COL5A3: variants seen among roughly 807,000 people sequenced by gnomAD.
COL5A3 encodes the protein collagen alpha-3(V) chain.
In COL5A3, 172 loss-of-function variants were observed where a neutral mutation model predicts 250.0. The observed-to-expected ratio is 0.69, with a 90% CI of 0.61 to 0.78. The LOEUF (loss-of-function observed/expected upper bound fraction) is 0.78. Among genes scored for constraint, COL5A3 ranks in the 30% least tolerant of loss-of-function variants. The pLI is 0.00. For missense variants in COL5A3, 2,340 were observed against 2,334.4 expected (o/e 1.00, Z -0.05); for synonymous variants, 937 against 900.4 (o/e 1.04, Z -0.73).
In COL5A3 at chr19:9,996,204, A is replaced by T; in HGVS notation, c.1479+2T>A. ...CCCCCTCCACGCAGTCGCCTTACTC[A>T]CCACAGGGCCTGGGCGCCCAGTGAG... On this transcript the variant is annotated splice_donor_variant, in intron 14 of 66. Coordinates refer to ENST00000264828, the MANE Select transcript of COL5A3 (RefSeq NM_015719.4). LOFTEE classifies it high-confidence loss of function. 1 of 1,569,324 alleles carries T rather than the reference A, an allele frequency of 6.4e-7. No individual in the cohort carries two copies. Among genetic ancestry groups the T allele is most frequent in the Non-Finnish European group, 8.6e-7 (1 of 1,159,840 alleles).
intron 64 of COL5A3, among the ~76,000 whole-genome samples, chr19:9,965,417 A>T (rs2086728805): frequency 6.7e-6 from 1 of 149,392 alleles, no homozygotes; most frequent in African/African-American, 2.5e-5. Context: ...CGGCCTCCCA[A>T]AGTGCTGGGA....
intron 37 of COL5A3, among the ~76,000 whole-genome samples, 190 bp downstream of exon 37, chr19:9,979,649 G>A (rs751941962): frequency 6.6e-6 from 1 of 152,110 alleles, no homozygotes; most frequent in Non-Finnish European, 1.5e-5. Flanking sequence ...AATTAGCCGG[G>A]CGTGGTGGCA....
Position 9,969,497 on chromosome 19 carries a change from G to C in COL5A3, c.4098+78C>G. On this transcript the variant is annotated intron_variant, in intron 56 of 66. Coordinates refer to ENST00000264828, the MANE Select transcript of COL5A3 (RefSeq NM_015719.4). ...TGCACCAGGGGCAGCCCCTCCAAAC[G>C]GTGATGGGATCACAAGCTGGGAGCA... is the stretch of plus-strand genomic sequence containing the variant. 1.9e-6 allele frequency: 3 copies of C among 1,590,890 alleles called. No individual in the cohort carries two copies. The Admixed American group carries it at 5.3e-5, about 28-fold the overall frequency.
chr19:9,972,834 C>CA (rs33996380), intron 51 of COL5A3, 85 bp downstream of exon 51: 18,884 of 800,496 alleles, frequency 0.024, no homozygotes, highest in Middle Eastern at 0.037. Flanking sequence ...GACTCCATCT[C>CA]AAAAAAAAAA....
chr19:9,973,053 A>C, intron 50 of COL5A3, 27 bp from the exon 51 acceptor site: 1 of 1,572,050 alleles, frequency 6.4e-7, no homozygotes, highest in Non-Finnish European at 8.7e-7. Flanking sequence ...CAGAGGTCAG[A>C]GTGGCCTGGA....
intron 51 of COL5A3, 126 bp from the exon 52 acceptor site, chr19:9,971,384 A>G (rs1599535428): frequency 1.4e-6 from 1 of 713,940 alleles, no homozygotes; most frequent in South Asian, 1.9e-5. Context: ...AAAACATAAA[A>G]TCCCTGGCTT....
chr19:9,967,162 C>T (rs1383020580), intron 62 of COL5A3, among the ~76,000 whole-genome samples, 185 bp downstream of exon 62: 10 of 152,140 alleles, frequency 6.6e-5, no homozygotes, highest in Non-Finnish European at 1.3e-4. Flanking sequence ...CCAAGTCCCC[C>T]CTCCCAGGCC....
chr19:9,989,339 C>T lies in COL5A3; in HGVS notation c.2074G>A (p.Gly692Arg). The part of the protein sequence containing the change: ...LGHPGHEGPT[G>R]EKGAQGPPGS... ...TCACTCACCTGAGCCCCTTTCTCTC[C>T]CGTGGGGCCCTCATGTCCTGGGTGA... The change falls in exon 26 of 67, where the codon GGA (glycine) becomes AGA (arginine). Residue 692 changes from glycine (G) to arginine (R), a missense_variant. This residue lies in a region of COL5A3 where 1,152 missense variants were observed against 1,146.3 expected (regional missense o/e 1.00). Transcript: ENST00000264828. 6.2e-7 allele frequency: 1 copy of T among 1,614,228 alleles called. No individual in the cohort carries two copies. Among genetic ancestry groups the T allele is most frequent in the Non-Finnish European group, 8.5e-7 (1 of 1,180,040 alleles).
chr19:9,986,894 G>A (rs1456340047), intron 27 of COL5A3, 136 bp from the exon 28 acceptor site: 2 of 922,658 alleles, frequency 2.2e-6, no homozygotes, highest in Non-Finnish European at 3.3e-6. Context: ...AGCTTCAGAA[G>A]AAATGATCTT....
intron 6 of COL5A3, 126 bp downstream of exon 6, chr19:10,003,439 T>C (rs2087391995): frequency 6.9e-6 from 6 of 864,766 alleles, no homozygotes; most frequent in Middle Eastern, 2.5e-4. Context: ...AAAAAGATCA[T>C]AGATGAGGGA....
intron 11 of COL5A3, 161 bp from the exon 12 acceptor site, chr19:9,996,850 G>T: frequency 1.7e-6 from 1 of 599,852 alleles, no homozygotes; most frequent in South Asian, 2.2e-5. Flanking sequence ...AGAGAGAGAA[G>T]TAGAGAGAAG....
intron 19 of COL5A3, 149 bp downstream of exon 19, chr19:9,993,231 C>T (rs957448189): frequency 2.7e-6 from 3 of 1,115,664 alleles, no homozygotes; most frequent in Non-Finnish European, 2.7e-6. Context: ...TGACTCCAAT[C>T]CTAGACCTGC....
At chr19:9,971,507 A>G (rs1409643948) in intron 51 of COL5A3, among the ~76,000 whole-genome samples, 1 of 152,194 alleles carries the variant, frequency 6.6e-6, no homozygotes, top group East Asian at 1.9e-4. Context: ...TCACAGAGAA[A>G]ACTGGCCATT....
rs1460984839 is a variant in COL5A3, at chr19:9,968,213, C to T, written c.4315-134G>A. The T allele has an allele frequency of 5.9e-6, 6 of 1,024,748 alleles. No homozygotes were observed. The African/African-American group carries it at 6.6e-5, about 11-fold the overall frequency. 63.5% of individuals were successfully genotyped at this position (1,024,748 alleles called of 1,614,324 possible). A position where few individuals can be genotyped will look rare whatever the true frequency, so the allele number is the denominator to read the frequency against. ...AGCCTCCAGTTCCCCCACAGAGAGACCCCAAACCCCAGACGCAGCCTCCAA... is the reference window on the plus strand; with the variant it reads ...AGCCTCCAGTTCCCCCACAGAGAGATCCCAAACCCCAGACGCAGCCTCCAA... On this transcript the variant is annotated intron_variant, in intron 59 of 66. Coordinates refer to ENST00000264828, the MANE Select transcript of COL5A3 (RefSeq NM_015719.4). The surrounding 1 kb of genome is among the most constrained non-coding windows in gnomAD (Gnocchi z 4.1).
In COL5A3 at chr19:9,968,492, C is replaced by G. The variant is rs866140266; in HGVS notation, c.4207G>C (p.Gly1403Arg). The G allele has an allele frequency of 5.7e-6, 9 of 1,584,464 alleles. No homozygotes were observed. The highest frequency in any genetic ancestry group is 7.7e-6 in the Non-Finnish European group (9 of 1,170,926). ...ATGAGACCGATCAATCCAATGTGGC[C>G]CTGAAGGACAAAAGAGGCACAGACA... ...KGDTGPKGEK[G>R]HIGLIGLIGP... The change falls in exon 59 of 67, where the codon GGC (glycine) becomes CGC (arginine). Residue 1403 changes from glycine (G) to arginine (R), a missense_variant and splice_region_variant. This residue lies in a region of COL5A3 where 1,179 missense variants were observed against 1,162.6 expected (regional missense o/e 1.01). Transcript: ENST00000264828. This position sits in a 1 kb window ranked among gnomAD's most constrained non-coding sequence, Gnocchi z 4.1.
chr19:9,974,334 G>T lies in COL5A3; in HGVS notation c.3417C>A (p.Gly1139=), dbSNP rs759984181. Residue 1139 remains glycine, a synonymous_variant, in exon 46 of 67, where the codon GGC becomes GGA. Transcript: ENST00000264828. The part of the protein sequence containing the change: ...FGQKGDDGVR[G]FVGVIGPPGL... ...CAGGAGGGCCAATCACCCCCACAAA[G>T]CCTCTGACTCCGTCATCTCCTTTCT... The T allele has an allele frequency of 1.2e-4, 200 of 1,612,460 alleles. No homozygotes were observed. Among genetic ancestry groups the T allele is most frequent in the Non-Finnish European group, 1.2e-4 (136 of 1,179,284 alleles).
intron 1 of COL5A3, among the ~76,000 whole-genome samples, chr19:10,006,663 C>T (rs979019547): frequency 1.3e-5 from 2 of 152,118 alleles, no homozygotes; most frequent in Admixed American, 1.3e-4. Context: ...GTTTTCTTCC[C>T]CCACCTCCTC....
At chr19:9,989,579 A>C in intron 24 of COL5A3, 57 bp from the exon 25 acceptor site, 1 of 1,459,088 alleles carries the variant, frequency 6.9e-7, no homozygotes, top group Non-Finnish European at 9.4e-7. Flanking sequence ...CTGGAGCACC[A>C]CTAGGATCTA....
Position 9,986,267 on chromosome 19 carries a change from T to C in COL5A3, c.2352+48A>G, listed in dbSNP as rs141342841. On this transcript the variant is annotated intron_variant, in intron 30 of 66. Transcript: ENST00000264828. ...AAGGGCAAAGGGCAGAGGGAAAAGA[T>C]TGGGGACACCTTGACTGTGGGAGGC... is the stretch of plus-strand genomic sequence containing the variant. The C allele has an allele frequency of 3.1e-4, 395 of 1,281,766 alleles. No homozygotes were observed. The African/African-American group carries it at 5.1e-3, about 16-fold the overall frequency. 79.4% of individuals were successfully genotyped at this position (1,281,766 alleles called of 1,614,324 possible). A position where few individuals can be genotyped will look rare whatever the true frequency, so the allele number is the denominator to read the frequency against.
Sources: allele counts gnomAD v4.1 joint callset (sites outside exome capture counted in the v4.1 genomes callset), GRCh38; gene constraint gnomAD v4.1.1; regional missense constraint gnomAD v4.1.1; non-coding constraint Gnocchi (gnomAD v3.1); transcripts MANE v1.5; gene names NCBI Gene and HGNC (gene_info 2026-07-23, HGNC 2026-07-21).